AVL9: variants seen among roughly 807,000 people sequenced by gnomAD.
AVL9 encodes late secretory pathway protein AVL9 homolog.
Under a neutral mutation model 79.2 loss-of-function variants are expected in AVL9, and 49 were observed. The ratio of observed to expected loss-of-function variants is 0.62; its 90% CI spans 0.49 to 0.79. The LOEUF (loss-of-function observed/expected upper bound fraction) is 0.79, where lower values mean the gene tolerates loss of function less well. Ranked by LOEUF, AVL9 falls within the 30% of genes least tolerant of loss-of-function variation. The probability of loss-of-function intolerance (pLI) is 0.00; values close to 1 mark genes in which losing one functional copy is unlikely to be tolerated. For synonymous variants in AVL9, 299 were observed against 280.6 expected, an observed-to-expected ratio of 1.07 and a Z score of -0.65; for missense variants, 682 against 776.8, an observed-to-expected ratio of 0.88 and a Z score of 1.45.
At chr7:32,519,773 C>T (rs1788062380) in intron 1 of AVL9, among the ~76,000 whole-genome samples, 1 of 152,144 alleles carries the variant, frequency 6.6e-6, no homozygotes, top group South Asian at 2.1e-4. Context: ...CTGTAAAGAA[C>T]TACCTGAGAC....
At chr7:32,546,911 T>C (rs1242196435) in intron 3 of AVL9, among the ~76,000 whole-genome samples, 1 of 152,194 alleles carries the variant, frequency 6.6e-6, no homozygotes, top group Non-Finnish European at 1.5e-5. Flanking sequence ...TGTTTTCATA[T>C]ACTATTGTAA....
intron 11 of AVL9, among the ~76,000 whole-genome samples, chr7:32,570,952 C>T (rs1377597669): frequency 9.2e-5 from 13 of 141,582 alleles, no homozygotes; most frequent in Non-Finnish European, 1.4e-4. Context: ...TTATGAGGCT[C>T]GGCGCAGTGG....
rs1175646788 is a variant in AVL9, at chr7:32,584,774, TTGGG to T, written c.*868_*871del. 27 of 590 alleles carry T rather than the reference TTGGG, an allele frequency of 0.046. No individual in the cohort carries two copies. The highest frequency in any genetic ancestry group is 0.21 in the East Asian group (3 of 14). 0.0% of individuals were successfully genotyped at this position (590 alleles called of 1,614,324 possible). A position where few individuals can be genotyped will look rare whatever the true frequency, so the allele number is the denominator to read the frequency against. ...GTGCCATCTGTTTCTCTTTTTTTTT[TTGGG>T]GGGGGGGGGGGGGCGGGGTCTCACT... On this transcript the variant is annotated 3_prime_UTR_variant, in exon 16 of 16. Coordinates refer to ENST00000318709, the MANE Select transcript of AVL9 (RefSeq NM_015060.3).
chr7:32,570,300 T>C (rs1465905352), intron 11 of AVL9, 146 bp downstream of exon 11: 2 of 1,131,232 alleles, frequency 1.8e-6, no homozygotes, highest in Non-Finnish European at 2.6e-6. Context: ...TTATGTGTAT[T>C]AACTGGTCTA....
chr7:32,571,081 A>G (rs1264905380), intron 11 of AVL9, among the ~76,000 whole-genome samples: 1 of 148,414 alleles, frequency 6.7e-6, no homozygotes, highest in East Asian at 2.0e-4. Context: ...AATACAAAAA[A>G]ATTAGCCAGA....
intron 5 of AVL9, 51 bp downstream of exon 5, chr7:32,551,474 A>C (rs1425523276): frequency 5.9e-6 from 6 of 1,013,504 alleles, no homozygotes; most frequent in Admixed American, 2.0e-5. Context: ...AGACTCATGA[A>C]TCAAGTAAAT....
intron 15 of AVL9, among the ~76,000 whole-genome samples, chr7:32,582,103 T>C (rs1412446256): frequency 6.6e-6 from 1 of 152,232 alleles, no homozygotes; most frequent in East Asian, 1.9e-4. Flanking sequence ...TCATTCCTTT[T>C]CTATATTTTT....
chr7:32,508,460 A>G (rs574328587), intron 1 of AVL9, among the ~76,000 whole-genome samples: 2 of 152,218 alleles, frequency 1.3e-5, no homozygotes, highest in African/African-American at 4.8e-5. Flanking sequence ...CCAAATTAGT[A>G]TTTCAAAGTT....
chr7:32,550,066 T>C (rs1583560716), intron 4 of AVL9, among the ~76,000 whole-genome samples: 1 of 152,166 alleles, frequency 6.6e-6, no homozygotes, highest in Non-Finnish European at 1.5e-5. Context: ...TGAATAGCTT[T>C]TTTATACTGG....
chr7:32,571,276 T>C (rs1790833103), intron 11 of AVL9, among the ~76,000 whole-genome samples: 1 of 135,356 alleles, frequency 7.4e-6, no homozygotes, highest in Non-Finnish European at 1.6e-5. Context: ...AAATCTGTAA[T>C]CCCAGCACTT....
intron 1 of AVL9, chr7:32,538,102 G>A (rs1333098332): frequency 6.6e-6 from 1 of 152,186 alleles, no homozygotes; most frequent in Non-Finnish European, 1.5e-5. Context: ...GTTTCAGCTA[G>A]AACCATCTAA....
At chr7:32,526,443 A>G (rs758730994) in intron 1 of AVL9, among the ~76,000 whole-genome samples, 8 of 152,130 alleles carry the variant, frequency 5.3e-5, no homozygotes, top group South Asian at 4.1e-4. Flanking sequence ...TCAAAACGAA[A>G]TAAGTGGCGA....
chr7:32,558,313 A>G (rs1790173242), intron 8 of AVL9, among the ~76,000 whole-genome samples: 1 of 151,432 alleles, frequency 6.6e-6, no homozygotes, highest in South Asian at 2.1e-4. Flanking sequence ...GTGTGCCACC[A>G]TGCCCGGCTA....
In AVL9 at chr7:32,573,285, C is replaced by T. The variant is rs775168028; in HGVS notation, c.1437C>T (p.Tyr479=). The T allele has an allele frequency of 4.0e-5, 65 of 1,613,706 alleles. No homozygotes were observed. The change falls in exon 12 of 16, where the codon TAC becomes TAT. Residue 479 remains tyrosine (Y), a synonymous_variant. Coordinates refer to ENST00000318709, the MANE Select transcript of AVL9 (RefSeq NM_015060.3). ...CTGCAGACCTAAGGTTCGCAGACTA[C>T]CTAGTGAGGCACGTGACTGAGAATC... ...PTTADLRFAD[Y]LVRHVTENRD...
At chr7:32,553,808 TA>T in intron 7 of AVL9, 41 bp downstream of exon 7, 1 of 1,450,160 alleles carries the variant, frequency 6.9e-7, no homozygotes, top group Non-Finnish European at 9.7e-7. Flanking sequence ...TGTACAGTAC[TA>T]AAATGGCCAA....
intron 12 of AVL9, 130 bp from the exon 13 acceptor site, chr7:32,575,825 G>A (rs1203117730): frequency 4.7e-6 from 3 of 636,064 alleles, no homozygotes; most frequent in East Asian, 5.4e-5. Flanking sequence ...CTGACATCTG[G>A]TAGGCTATCT....
intron 8 of AVL9, among the ~76,000 whole-genome samples, chr7:32,555,376 A>G (rs1366156296): frequency 6.6e-6 from 1 of 152,122 alleles, no homozygotes; most frequent in Non-Finnish European, 1.5e-5. Flanking sequence ...TATTTCCTTC[A>G]ATTTGTTTGG....
At chr7:32,557,851 C>CTT (rs1172974924) in intron 8 of AVL9, among the ~76,000 whole-genome samples, 10 of 64,246 alleles carry the variant, frequency 1.6e-4, no homozygotes, top group African/African-American at 5.1e-4. Flanking sequence ...TTAGCTGTTA[C>CTT]TCTTTTTTTT....
At chr7:32,497,123 A>G (rs987574624) in intron 1 of AVL9, among the ~76,000 whole-genome samples, 3 of 152,112 alleles carry the variant, frequency 2.0e-5, no homozygotes, top group Non-Finnish European at 4.4e-5. Flanking sequence ...TGGGAGGCCG[A>G]GGCGGGTGGA....
Sources: gnomAD v4.1 joint callset for allele counts (sites outside exome capture counted in the v4.1 genomes callset) on GRCh38, gnomAD v4.1.1 for gene constraint, MANE v1.5 for transcripts, NCBI Gene and HGNC (gene_info 2026-07-23, HGNC 2026-07-21) for gene names.